HMGCLL1: variants seen among roughly 807,000 people sequenced by gnomAD.
HMGCLL1 encodes the protein 3-hydroxymethyl-3-methylglutaryl-CoA lyase, cytoplasmic.
Under a neutral mutation model 39.1 loss-of-function variants are expected in HMGCLL1, and 36 were observed. That is an observed-to-expected ratio of 0.92 (90% CI 0.71 to 1.22). The LOEUF (loss-of-function observed/expected upper bound fraction) is 1.22. Among genes scored for constraint, HMGCLL1 ranks in the 50% most tolerant of loss-of-function variants. The probability of loss-of-function intolerance (pLI) is 0.00; values close to 1 mark genes in which losing one functional copy is unlikely to be tolerated. For synonymous variants in HMGCLL1, 149 were observed against 144.0 expected, an observed-to-expected ratio of 1.03 and a Z score of -0.25; for missense variants, 451 against 416.5, an observed-to-expected ratio of 1.08 and a Z score of -0.72.
intron 3 of HMGCLL1, among the ~76,000 whole-genome samples, chr6:55,527,260 T>C (rs1768371029): frequency 6.6e-6 from 1 of 152,096 alleles, no homozygotes; most frequent in African/African-American, 2.4e-5. Context: ...TCTCTCAAAC[T>C]GAATCCATCA....
At chr6:55,455,884 T>C (rs1764301576) in intron 7 of HMGCLL1, among the ~76,000 whole-genome samples, 2 of 152,204 alleles carry the variant, frequency 1.3e-5, no homozygotes, top group African/African-American at 4.8e-5. Context: ...TTTCTATGAA[T>C]ACGTACTGAA....
the HMGCLL1 span, among the ~76,000 whole-genome samples, chr6:55,647,182 T>C: frequency 2.0e-5 from 3 of 152,066 alleles, no homozygotes; most frequent in Non-Finnish European, 4.4e-5. Context: ...AAAGTTTTTT[T>C]CTTGAAATCT....
intron 7 of HMGCLL1, among the ~76,000 whole-genome samples, chr6:55,459,158 A>G (rs1443161477): frequency 6.6e-6 from 1 of 152,168 alleles, no homozygotes; most frequent in East Asian, 1.9e-4. Context: ...AGAGTAAATC[A>G]TGCAATCAGC....
upstream of HMGCLL1, among the ~76,000 whole-genome samples, chr6:55,581,143 TA>T (rs1771979826): frequency 6.6e-6 from 1 of 152,024 alleles, no homozygotes; most frequent in Non-Finnish European, 1.5e-5. Context: ...ACCTCTAAGA[TA>T]AGTCAGATAT....
chr6:55,588,626 T>C, the HMGCLL1 span, among the ~76,000 whole-genome samples: 1 of 151,970 alleles, frequency 6.6e-6, no homozygotes, highest in African/African-American at 2.4e-5. Flanking sequence ...AGCTGGTTTT[T>C]TGAAAAGATC....
At chr6:55,496,331 A>C (rs923214095) in intron 6 of HMGCLL1, among the ~76,000 whole-genome samples, 3 of 82,600 alleles carry the variant, frequency 3.6e-5, no homozygotes, top group African/African-American at 1.3e-4. Context: ...AATTTATCAA[A>C]ACTCAGCACA....
the HMGCLL1 span, among the ~76,000 whole-genome samples, chr6:55,610,397 T>C: frequency 2.0e-5 from 3 of 151,680 alleles, no homozygotes; most frequent in African/African-American, 7.3e-5. Flanking sequence ...TATATAAATA[T>C]CAATAGCTAA....
the HMGCLL1 span, among the ~76,000 whole-genome samples, chr6:55,655,293 C>G: frequency 6.6e-6 from 1 of 151,838 alleles, no homozygotes; most frequent in African/African-American, 2.4e-5. Context: ...CTCACCAAAC[C>G]TATTCACTTA....
chr6:55,515,231 G>A (rs1224135173), intron 4 of HMGCLL1, among the ~76,000 whole-genome samples: 3 of 148,398 alleles, frequency 2.0e-5, no homozygotes, highest in South Asian at 2.1e-4. Context: ...CCAGCCTGGC[G>A]ACAGAGCAAA....
At chr6:55,465,875 C>T (rs1172469124) in intron 7 of HMGCLL1, among the ~76,000 whole-genome samples, 1 of 151,888 alleles carries the variant, frequency 6.6e-6, no homozygotes, top group Non-Finnish European at 1.5e-5. Context: ...TCTTGTTTTC[C>T]ATGAGGATTT....
the HMGCLL1 span, among the ~76,000 whole-genome samples, chr6:55,641,861 T>C: frequency 3.2e-4 from 46 of 142,812 alleles, no homozygotes; most frequent in Non-Finnish European, 6.2e-4. Flanking sequence ...TTTTCTTTTT[T>C]TTTAATTTTT....
Position 55,499,247 on chromosome 6 carries a change from T to C in HMGCLL1, c.595A>G (p.Lys199Glu). ...AAGATGTAGCTTACTTCTGTCACTT[T>C]TTGCGGTGTAATACTTCCTTCATAT... ...CPYEGSITPQ[K>E]VTEVSKRLYG... The change falls in exon 6 of 9, where the codon AAA becomes GAA. Residue 199 changes from lysine (K) to glutamate (E), a missense_variant. Transcript: ENST00000274901. The C allele has an allele frequency of 6.2e-7, 1 of 1,609,604 alleles. No individual in the cohort carries two copies.
chr6:55,670,851 G>A, the HMGCLL1 span, among the ~76,000 whole-genome samples: 3 of 151,882 alleles, frequency 2.0e-5, no homozygotes, highest in East Asian at 1.9e-4. Context: ...TGCATTATAT[G>A]TAAATAATCT....
chr6:55,538,838 A>G (rs1221933942), intron 3 of HMGCLL1, among the ~76,000 whole-genome samples: 1 of 147,830 alleles, frequency 6.8e-6, no homozygotes, highest in African/African-American at 2.6e-5. Context: ...ATACACATAC[A>G]CACACACACA....
At chr6:55,544,549 G>T (rs1769846405) in intron 1 of HMGCLL1, among the ~76,000 whole-genome samples, 1 of 152,092 alleles carries the variant, frequency 6.6e-6, no homozygotes, top group Non-Finnish European at 1.5e-5. Context: ...AAGCCAACCA[G>T]TTTATACTGT....
intron 1 of HMGCLL1, among the ~76,000 whole-genome samples, chr6:55,568,628 G>C (rs1422517976): frequency 2.0e-5 from 3 of 152,164 alleles, no homozygotes; most frequent in African/African-American, 4.8e-5. Flanking sequence ...ACAATACATA[G>C]TCAGAACAGT....
intron 5 of HMGCLL1, among the ~76,000 whole-genome samples, chr6:55,502,976 T>C (rs1157712641): frequency 1.7e-4 from 1 of 5,954 alleles, no homozygotes; most frequent in Admixed American, 2.3e-3. Context: ...TCTGTTCTGC[T>C]AAAGTTTTTT....
chr6:55,463,365 C>T (rs1014362704), intron 7 of HMGCLL1, among the ~76,000 whole-genome samples: 1 of 151,924 alleles, frequency 6.6e-6, no homozygotes, highest in African/African-American at 2.4e-5. Flanking sequence ...ATAAATGATA[C>T]ATGAAAAAGT....
the HMGCLL1 span, among the ~76,000 whole-genome samples, chr6:55,591,403 C>T: frequency 6.6e-6 from 1 of 151,936 alleles, no homozygotes; most frequent in Non-Finnish European, 1.5e-5. Context: ...TCGAAGCAAA[C>T]TTGCAGAGGG....
Sources: gnomAD v4.1 joint callset for allele counts (sites outside exome capture counted in the v4.1 genomes callset) on GRCh38, gnomAD v4.1.1 for gene constraint, MANE v1.5 for transcripts, NCBI Gene and HGNC (gene_info 2026-07-23, HGNC 2026-07-21) for gene names.